Variants in GADL1 observed in about 807,000 individuals in gnomAD.
GADL1 encodes GAD like acidic amino acid decarboxylase 1.
Under a neutral mutation model 69.5 loss-of-function variants are expected in GADL1, and 71 were observed. The observed-to-expected ratio is 1.02, with a 90% confidence interval of 0.84 to 1.25. GADL1 has a LOEUF of 1.25. Among genes scored for constraint, GADL1 ranks in the 50% most tolerant of loss-of-function variants. The pLI, the probability that GADL1 is intolerant of heterozygous loss-of-function variation, is 0.00. For synonymous variants in GADL1, 254 were observed against 214.4 expected (o/e 1.18, Z -1.62); for missense variants, 737 against 631.8 (o/e 1.17, Z -1.79).
intron 8 of GADL1, among the ~76,000 whole-genome samples, chr3:30,842,055 C>A (rs1027941858): frequency 2.6e-5 from 4 of 151,980 alleles, no homozygotes; most frequent in Non-Finnish European, 4.4e-5. Flanking sequence ...ATCTTTTCAA[C>A]AAATCAATGG....
In GADL1 at chr3:30,728,154, G is replaced by A. The variant is rs532078128; in HGVS notation, c.*88C>T. 40 of 1,168,080 alleles carry A rather than the reference G, an allele frequency of 3.4e-5. No homozygotes were observed. In the East Asian group the frequency reaches 6.4e-4, roughly 19 times the overall value. 72.4% of individuals were successfully genotyped at this position (1,168,080 alleles called of 1,614,324 possible). A position where few individuals can be genotyped will look rare whatever the true frequency, so the allele number is the denominator to read the frequency against. On this transcript the variant is annotated 3_prime_UTR_variant, in exon 15 of 15. Coordinates refer to ENST00000282538, the MANE Select transcript of GADL1 (RefSeq NM_207359.3). The stretch of plus-strand genomic sequence containing the variant: ...AGTATTCCCTATTTCTCATCAGAAG[G>A]GCTGCAATCTACTGTGTATCTCCAA...
At position 30,844,165 on chromosome 3, in the gene GADL1, G is replaced by T. The variant is rs1553602206; in HGVS notation, c.786+45C>A. The stretch of plus-strand genomic sequence containing the variant: ...CTTTCATAAGCGCGCGGGCGTGCGC[G>T]CACACACACACGTTCTCTCTCCCTC... On this transcript the variant is annotated intron_variant, in intron 8 of 14. Transcript: ENST00000282538. 5 of 1,481,410 alleles carry T rather than the reference G, an allele frequency of 3.4e-6. No individual in the cohort carries two copies. In the South Asian group the frequency reaches 6.0e-5, roughly 18 times the overall value. The allele number at this position is 1,481,410 out of a possible 1,614,324, so 91.8% of individuals were successfully genotyped here. A position where few individuals can be genotyped will look rare whatever the true frequency, so the allele number is the denominator to read the frequency against.
rs376239125 is a variant in GADL1, at chr3:30,766,949, A to G, written c.1392+11230T>C. 5.3e-4 allele frequency among the ~76,000 whole-genome samples: 81 copies of G among 152,214 alleles called. 1 individual carries two copies. Among genetic ancestry groups the G allele is most frequent in the Non-Finnish European group, 1.3e-4 (9 of 68,044 alleles). The stretch of plus-strand genomic sequence containing the variant: ...AAGCAAACAAAAAGGCATGGAGAAG[A>G]TATCTGGGGCTCATATAGTCCTTCA... On this transcript the variant is annotated intron_variant, in intron 14 of 14. Coordinates refer to ENST00000282538, the MANE Select transcript of GADL1 (RefSeq NM_207359.3).
chr3:30,839,123 G>A lies in GADL1; in HGVS notation c.787-10C>T, dbSNP rs1697922281. The A allele has an allele frequency of 1.3e-6, 2 of 1,481,746 alleles. No homozygotes were observed. Among genetic ancestry groups the A allele is most frequent in the African/African-American group, 2.9e-5 (2 of 69,406 alleles). The allele number at this position is 1,481,746 out of a possible 1,614,324, so 91.8% of individuals were successfully genotyped here. ...GAAACGGTGCTGCCCCCTGTAAGAA[G>A]GATCCACACACACAAAATTATCACT... On this transcript the variant is annotated splice_polypyrimidine_tract_variant and intron_variant, in intron 8 of 14. Transcript: ENST00000282538.
At chr3:30,847,572 G>A (rs1255507021) in intron 6 of GADL1, among the ~76,000 whole-genome samples, 1 of 152,196 alleles carries the variant, frequency 6.6e-6, no homozygotes, top group African/African-American at 2.4e-5. Flanking sequence ...AATTAAAATA[G>A]TGCAAATGCT....
At chr3:30,781,642 G>A (rs1212382039) in intron 13 of GADL1, among the ~76,000 whole-genome samples, 2 of 152,220 alleles carry the variant, frequency 1.3e-5, no homozygotes, top group East Asian at 3.8e-4. Context: ...TTGCAAGGAT[G>A]TGGCTTTGAA....
intron 8 of GADL1, among the ~76,000 whole-genome samples, chr3:30,839,514 C>A (rs1308802656): frequency 3.1e-4 from 33 of 105,612 alleles, no homozygotes; most frequent in African/African-American, 3.9e-4. Flanking sequence ...GTCATCTTCT[C>A]AAAAAAAAAA....
At chr3:30,760,903 T>C (rs1261132122) in intron 14 of GADL1, among the ~76,000 whole-genome samples, 1 of 152,164 alleles carries the variant, frequency 6.6e-6, no homozygotes, top group Non-Finnish European at 1.5e-5. Flanking sequence ...ATAGGGAAAC[T>C]GGCCATTCCT....
chr3:30,795,994 G>A (rs1017647492), intron 12 of GADL1, among the ~76,000 whole-genome samples: 3 of 152,150 alleles, frequency 2.0e-5, no homozygotes, highest in African/African-American at 7.2e-5. Context: ...CAAACAATAA[G>A]TGTTTGTTGA....
At chr3:30,819,863 T>A (rs188297809) in intron 11 of GADL1, among the ~76,000 whole-genome samples, 29 of 152,128 alleles carry the variant, frequency 1.9e-4, no homozygotes, top group African/African-American at 5.3e-4. Context: ...GAAAATATTG[T>A]AATGGACTCA....
At chr3:30,799,403 T>C (rs1346524308) in intron 12 of GADL1, 4 of 152,304 alleles carry the variant, frequency 2.6e-5, no homozygotes, top group African/African-American at 7.2e-5. Flanking sequence ...TTGGCCCCTT[T>C]TAGCAATGGC....
intron 11 of GADL1, among the ~76,000 whole-genome samples, chr3:30,813,294 A>G (rs1697395736): frequency 6.8e-6 from 1 of 146,310 alleles, no homozygotes; most frequent in African/African-American, 2.8e-5. Context: ...GGCATGATTA[A>G]GTAAATGCCT....
At chr3:30,882,253 T>C (rs1412585085) in intron 1 of GADL1, among the ~76,000 whole-genome samples, 1 of 151,914 alleles carries the variant, frequency 6.6e-6, no homozygotes. Context: ...TTTGGACATA[T>C]ATAACAATGT....
intron 12 of GADL1, chr3:30,800,576 A>G (rs1031926928): frequency 1.6e-5 from 5 of 313,092 alleles, no homozygotes; most frequent in Admixed American, 4.7e-5. Context: ...AGCCCTCCTG[A>G]TTGATCTTGG....
intron 13 of GADL1, chr3:30,778,849 C>T (rs1243058964): frequency 1.3e-5 from 2 of 152,212 alleles, no homozygotes; most frequent in Non-Finnish European, 2.9e-5. Context: ...TGCGAATTAG[C>T]TAGGGGACCT....
At chr3:30,763,247 C>T (rs911273697) in intron 14 of GADL1, among the ~76,000 whole-genome samples, 1 of 152,030 alleles carries the variant, frequency 6.6e-6, no homozygotes, top group Non-Finnish European at 1.5e-5. Context: ...GCCTGTAATC[C>T]CAGCACTTTG....
chr3:30,757,879 A>C (rs17026566), intron 14 of GADL1, among the ~76,000 whole-genome samples: 2,359 of 152,300 alleles, frequency 0.015, 58 homozygotes, highest in African/African-American at 0.053. Context: ...CAAAATCAAA[A>C]GGAATATCTG....
chr3:30,844,140 C>G, intron 8 of GADL1, 70 bp downstream of exon 8: 1 of 1,209,956 alleles, frequency 8.3e-7, no homozygotes, highest in East Asian at 2.4e-5. Flanking sequence ...TATTCCCTCT[C>G]TTTCATAAGC....
intron 14 of GADL1, among the ~76,000 whole-genome samples, chr3:30,728,617 A>G (rs919407814): frequency 6.6e-6 from 1 of 152,216 alleles, no homozygotes; most frequent in Non-Finnish European, 1.5e-5. Context: ...ATATTAATTA[A>G]TCTTCACAAT....
Sources: allele counts gnomAD v4.1 joint callset (sites outside exome capture counted in the v4.1 genomes callset), GRCh38; gene constraint gnomAD v4.1.1; transcripts MANE v1.5; gene names NCBI Gene and HGNC (gene_info 2026-07-23, HGNC 2026-07-21).